MEF2C: variants seen among roughly 807,000 people sequenced by gnomAD.
MEF2C encodes myocyte enhancer factor 2C, also known as myocyte-specific enhancer factor 2C.
MEF2C carries 6 observed loss-of-function variants against 50.5 expected under a neutral mutation model. The ratio of observed to expected loss-of-function variants is 0.12; its 90% CI spans 0.07 to 0.23. The LOEUF (loss-of-function observed/expected upper bound fraction) is 0.23, where lower values mean the gene tolerates loss of function less well. MEF2C is among the 10% of genes least tolerant of loss of function. MEF2C has a pLI of 1.00. For synonymous variants in MEF2C, 183 were observed against 228.0 expected (o/e 0.80, Z 1.78); for missense variants, 276 against 605.0 (o/e 0.46, Z 5.70).
chr5:88,834,522 G>A (rs897184866), intron 1 of MEF2C, among the ~76,000 whole-genome samples: 24 of 152,116 alleles, frequency 1.6e-4, no homozygotes, highest in African/African-American at 5.8e-4. Context: ...GGGAAAAAGG[G>A]CAACACACAA....
chr5:88,847,939 G>T (rs1819908389), intron 1 of MEF2C, among the ~76,000 whole-genome samples: 1 of 152,080 alleles, frequency 6.6e-6, no homozygotes, highest in African/African-American at 2.4e-5. Flanking sequence ...CACAAACAAT[G>T]ATTATCTAAA....
intron 2 of MEF2C, among the ~76,000 whole-genome samples, chr5:88,818,759 C>T (rs1806810525): frequency 6.6e-6 from 1 of 151,874 alleles, no homozygotes; most frequent in African/African-American, 2.4e-5. Context: ...TCCTGCTCTA[C>T]CTGTTCCACT....
At chr5:88,807,562 A>G (rs776518223) in intron 2 of MEF2C, among the ~76,000 whole-genome samples, 10 of 152,072 alleles carry the variant, frequency 6.6e-5, no homozygotes, top group Non-Finnish European at 1.2e-4. Flanking sequence ...TTTGAGTTTG[A>G]TTTTTCACAT....
At chr5:88,843,645 C>T (rs1232129643) in intron 1 of MEF2C, 1 of 177,258 alleles carries the variant, frequency 5.6e-6, no homozygotes, top group East Asian at 1.9e-4. Flanking sequence ...TAGCTATGAT[C>T]TATTGAAACA....
At chr5:88,837,319 T>TA (rs1244213393) in intron 1 of MEF2C, among the ~76,000 whole-genome samples, 4 of 151,936 alleles carry the variant, frequency 2.6e-5, no homozygotes, top group African/African-American at 4.8e-5. Context: ...TTCAGTTTTA[T>TA]AAAAAAAGTG....
At chr5:88,780,480 T>C (rs1323803692) in intron 3 of MEF2C, among the ~76,000 whole-genome samples, 4 of 152,178 alleles carry the variant, frequency 2.6e-5, no homozygotes, top group African/African-American at 7.2e-5. Flanking sequence ...CTTTTCCCAG[T>C]AGCGATATAC....
Position 88,840,287 on chromosome 5 carries a change from GAAC to G in MEF2C, c.-142-16360_-142-16358del, listed in dbSNP as rs1816853962. Among the ~76,000 whole-genome samples, 4 of 152,274 alleles carry G rather than the reference GAAC, an allele frequency of 2.6e-5. No homozygotes were observed. The South Asian group carries it at 6.2e-4, about 24-fold the overall frequency. On this transcript the variant is annotated intron_variant, in intron 1 of 10. Coordinates refer to ENST00000504921, the MANE Select transcript of MEF2C (RefSeq NM_002397.5). ...CCTCTTGTTCTGTCCTTTGTACAGA[GAAC>G]AACATTTGGTGATCACGTCCTCATG... is the stretch of plus-strand genomic sequence containing the variant.
intron 6 of MEF2C, chr5:88,738,432 G>C: frequency 1.1e-6 from 1 of 936,972 alleles, no homozygotes; most frequent in Non-Finnish European, 1.3e-6. Context: ...ATCTTCACAA[G>C]AACAACCCTG....
At chr5:88,819,216 G>C (rs908262298) in intron 2 of MEF2C, among the ~76,000 whole-genome samples, 4 of 151,854 alleles carry the variant, frequency 2.6e-5, no homozygotes, top group African/African-American at 9.7e-5. Flanking sequence ...GAAAAGTAAT[G>C]ACACAAAACC....
chr5:88,846,289 A>C (rs1177111619), intron 1 of MEF2C, among the ~76,000 whole-genome samples: 1 of 152,102 alleles, frequency 6.6e-6, no homozygotes, highest in African/African-American at 2.4e-5. Flanking sequence ...GCTGGTCTTG[A>C]AGTCCTGACC....
At chr5:88,810,777 T>C (rs1379205996) in intron 2 of MEF2C, among the ~76,000 whole-genome samples, 1 of 152,044 alleles carries the variant, frequency 6.6e-6, no homozygotes, top group Non-Finnish European at 1.5e-5. Flanking sequence ...TTTTTGTCAT[T>C]GGTTTAGATG....
At chr5:88,814,816 G>C (rs892262066) in intron 2 of MEF2C, among the ~76,000 whole-genome samples, 1 of 152,098 alleles carries the variant, frequency 6.6e-6, no homozygotes, top group Non-Finnish European at 1.5e-5. Context: ...TTTAAAATTT[G>C]TGACAGCTGA....
intron 3 of MEF2C, among the ~76,000 whole-genome samples, chr5:88,782,663 A>C (rs553329547): frequency 1.3e-5 from 2 of 152,366 alleles, no homozygotes; most frequent in African/African-American, 4.8e-5. Flanking sequence ...AAATAAAAAT[A>C]TAAGTTTGGT....
At chr5:88,803,721 G>A (rs1451277531) in intron 3 of MEF2C, among the ~76,000 whole-genome samples, 6 of 152,048 alleles carry the variant, frequency 3.9e-5, no homozygotes. Context: ...GATCGATGCT[G>A]AAAAGGTTTA....
intron 6 of MEF2C, chr5:88,747,939 T>C (rs1327538082): frequency 3.7e-6 from 2 of 539,766 alleles, no homozygotes; most frequent in Non-Finnish European, 4.7e-6. Flanking sequence ...TTCATTTCCA[T>C]GTCCAGCAAA....
intron 1 of MEF2C, among the ~76,000 whole-genome samples, chr5:88,891,384 C>T (rs977998817): frequency 3.4e-4 from 50 of 148,640 alleles, no homozygotes; most frequent in African/African-American, 1.1e-3. Context: ...ATGTTAATAA[C>T]CAACCAACCT....
At chr5:88,866,475 T>C (rs1827428221) in intron 1 of MEF2C, among the ~76,000 whole-genome samples, 1 of 152,188 alleles carries the variant, frequency 6.6e-6, no homozygotes, top group Non-Finnish European at 1.5e-5. Context: ...TCACTTCTAG[T>C]CAGCAGTACG....
At chr5:88,749,009 A>G (rs948120966) in intron 6 of MEF2C, 61 bp downstream of exon 6, 1 of 1,550,596 alleles carries the variant, frequency 6.4e-7, no homozygotes, top group African/African-American at 1.4e-5. Flanking sequence ...TTGTCCTGCA[A>G]ATCACCTAGT....
At chr5:88,730,652 C>T (rs1761059776) in intron 7 of MEF2C, among the ~76,000 whole-genome samples, 1 of 152,148 alleles carries the variant, frequency 6.6e-6, no homozygotes, top group Non-Finnish European at 1.5e-5. Context: ...ATAGAGATGG[C>T]CTGCCATGCA....
Sources: allele counts gnomAD v4.1 joint callset (sites outside exome capture counted in the v4.1 genomes callset), GRCh38; gene constraint gnomAD v4.1.1; transcripts MANE v1.5; gene names NCBI Gene and HGNC (gene_info 2026-07-23, HGNC 2026-07-21).